The following SLC2A2 variants were observed in gnomAD, a reference collection of about 807,000 sequenced individuals.
SLC2A2 encodes solute carrier family 2 member 2, also known as solute carrier family 2, facilitated glucose transporter member 2.
In SLC2A2, 36 loss-of-function variants were observed where a neutral mutation model predicts 54.5. The observed-to-expected ratio is 0.66, with a 90% CI of 0.51 to 0.87. The LOEUF is 0.87. Ranked by LOEUF, SLC2A2 falls within the 40% of genes least tolerant of loss-of-function variation. The pLI, the probability that SLC2A2 is intolerant of heterozygous loss-of-function variation, is 0.00. For synonymous variants in SLC2A2, 223 were observed against 219.1 expected (o/e 1.02, Z -0.16); for missense variants, 543 against 624.3 (o/e 0.87, Z 1.39).
intron 3 of SLC2A2, among the ~76,000 whole-genome samples, chr3:171,012,090 TGTCGTG>T (rs1322839396): frequency 6.6e-6 from 1 of 152,178 alleles, no homozygotes; most frequent in Non-Finnish European, 1.5e-5. Context: ...GCTCGATTAT[TGTCGTG>T]GTCATGGTCA....
chr3:171,010,208 G>T, intron 3 of SLC2A2, 126 bp from the exon 4 acceptor site: 1 of 1,004,802 alleles, frequency 1.0e-6, no homozygotes, highest in South Asian at 1.4e-5. Flanking sequence ...GTAAAAGCTA[G>T]TTGGGGAATC....
At chr3:171,001,922 CT>C (rs961479422) in intron 8 of SLC2A2, among the ~76,000 whole-genome samples, 24 of 146,250 alleles carry the variant, frequency 1.6e-4, no homozygotes, top group African/African-American at 3.3e-4. Context: ...GAGTATATGA[CT>C]TTTTTTTTTG....
intron 3 of SLC2A2, 143 bp downstream of exon 3, chr3:171,014,326 C>T: frequency 1.2e-6 from 1 of 814,590 alleles, no homozygotes; most frequent in Non-Finnish European, 2.0e-6. Context: ...TGATCTAACA[C>T]TGATATGCCT....
At chr3:171,025,528 G>T (rs1031458441) in intron 1 of SLC2A2, among the ~76,000 whole-genome samples, 5 of 151,970 alleles carry the variant, frequency 3.3e-5, no homozygotes, top group African/African-American at 9.7e-5. Context: ...AGGGTATATT[G>T]TATCCTAATA....
chr3:171,010,144 T>C (rs1171768873), intron 3 of SLC2A2, 62 bp from the exon 4 acceptor site: 3 of 1,540,816 alleles, frequency 1.9e-6, no homozygotes, highest in Non-Finnish European at 2.7e-6. Flanking sequence ...ATTATTCGCT[T>C]TCAGAGCATG....
rs987513774 is a variant in SLC2A2, at chr3:171,017,144, G to T, written c.108+1387C>A. Among the ~76,000 whole-genome samples, 4 of 152,240 alleles carry T rather than the reference G, an allele frequency of 2.6e-5. No individual in the cohort carries two copies. In the South Asian group the frequency reaches 6.2e-4, roughly 24 times the overall value. ...TGGGATTACAGGAGTGAGCCACTGC[G>T]CCCGGCCAGGGATGGTTCAATTAAT... On this transcript the variant is annotated intron_variant, in intron 2 of 10. Transcript: ENST00000314251.
chr3:171,023,058 G>A (rs548048911), intron 1 of SLC2A2, among the ~76,000 whole-genome samples: 1 of 152,300 alleles, frequency 6.6e-6, no homozygotes, highest in African/African-American at 2.4e-5. Context: ...AAGGAGATAG[G>A]AGAGTTTTTA....
At chr3:171,005,588 G>T in intron 6 of SLC2A2, 116 bp from the exon 7 acceptor site, 1 of 797,046 alleles carries the variant, frequency 1.3e-6, no homozygotes, top group Non-Finnish European at 2.0e-6. Context: ...TTAATAGCAT[G>T]GGTGTTGGAA....
chr3:171,014,336 T>TC (rs1277516461), intron 3 of SLC2A2, 133 bp downstream of exon 3: 66 of 908,780 alleles, frequency 7.3e-5, no homozygotes, highest in Non-Finnish European at 1.1e-4. Context: ...CTGATATGCC[T>TC]CATAGGGTCA....
chr3:171,025,898 GTGATC>G (rs1188287708), intron 1 of SLC2A2, among the ~76,000 whole-genome samples: 1 of 152,134 alleles, frequency 6.6e-6, no homozygotes, highest in Non-Finnish European at 1.5e-5. Context: ...CAGTAGTGAA[GTGATC>G]ATTCCATAAC....
chr3:171,001,949 A>G (rs1715355686), intron 8 of SLC2A2, among the ~76,000 whole-genome samples: 1 of 151,834 alleles, frequency 6.6e-6, no homozygotes, highest in Non-Finnish European at 1.5e-5. Flanking sequence ...AGAAAACAAT[A>G]ACATTTCTAG....
chr3:171,020,044 T>C (rs1716378819), intron 1 of SLC2A2, among the ~76,000 whole-genome samples: 1 of 152,110 alleles, frequency 6.6e-6, no homozygotes, highest in African/African-American at 2.4e-5. Flanking sequence ...AATGAATGAG[T>C]CACATCAACA....
intron 1 of SLC2A2, among the ~76,000 whole-genome samples, chr3:171,022,271 C>T (rs1716497370): frequency 6.6e-6 from 1 of 152,174 alleles, no homozygotes; most frequent in Non-Finnish European, 1.5e-5. Flanking sequence ...CAGATACAGA[C>T]ATTCAAAAGC....
At chr3:171,023,370 C>T (rs181388615) in intron 1 of SLC2A2, among the ~76,000 whole-genome samples, 1 of 152,224 alleles carries the variant, frequency 6.6e-6, no homozygotes, top group Admixed American at 6.5e-5. Context: ...GGTTTAATTG[C>T]CCTCTCTGAA....
chr3:171,025,446 A>G (rs1366065853), intron 1 of SLC2A2, among the ~76,000 whole-genome samples: 1 of 152,028 alleles, frequency 6.6e-6, no homozygotes, highest in Non-Finnish European at 1.5e-5. Flanking sequence ...ATTACTCCCT[A>G]ACTCTAAAGT....
chr3:171,000,082 T>G (rs1241231711), intron 8 of SLC2A2, among the ~76,000 whole-genome samples: 1 of 152,030 alleles, frequency 6.6e-6, no homozygotes, highest in African/African-American at 2.4e-5. Context: ...AGTAAATCAA[T>G]AGCAATCCAA....
intron 7 of SLC2A2, among the ~76,000 whole-genome samples, chr3:171,003,657 A>G (rs897852811): frequency 1.3e-5 from 2 of 152,126 alleles, no homozygotes; most frequent in African/African-American, 4.8e-5. Context: ...CATGATGTCA[A>G]CATTTTTAAA....
chr3:170,998,418 A>G lies in SLC2A2; in HGVS notation c.1171-22T>C, dbSNP rs978270928. 3.1e-6 allele frequency: 5 copies of G among 1,589,398 alleles called. No individual in the cohort carries two copies. The African/African-American group carries it at 4.0e-5, about 13-fold the overall frequency. On this transcript the variant is annotated intron_variant, in intron 9 of 10. Coordinates refer to ENST00000314251, the MANE Select transcript of SLC2A2 (RefSeq NM_000340.2). ...TATTCTGAGGAAAAAAACAAAAACA[A>G]TAGTGGGACTGAGATCATTTGGCTG...
At position 171,007,115 on chromosome 3, in the gene SLC2A2, G is replaced by C. The variant is rs759604541; in HGVS notation, c.612+33C>G. 5.1e-6 allele frequency: 6 copies of C among 1,182,596 alleles called. No homozygotes were observed. The Admixed American group carries it at 1.0e-4, about 20-fold the overall frequency. 73.3% of individuals were successfully genotyped at this position (1,182,596 alleles called of 1,614,324 possible). On this transcript the variant is annotated intron_variant, in intron 5 of 10. Transcript: ENST00000314251. ...GTACTGTAGAGGATGAAGTAGATGG[G>C]TGCAGTAGGGGATAAGGATGGGGAG...
Sources: allele counts gnomAD v4.1 joint callset (sites outside exome capture counted in the v4.1 genomes callset), GRCh38; gene constraint gnomAD v4.1.1; transcripts MANE v1.5; gene names NCBI Gene and HGNC (gene_info 2026-07-23, HGNC 2026-07-21).